Variants in BAIAP2 observed in about 807,000 individuals in gnomAD.
The protein encoded by BAIAP2 is BAR/IMD domain-containing adapter protein 2.
In BAIAP2, 18 loss-of-function variants were observed where a neutral mutation model predicts 63.0. That is an observed-to-expected ratio of 0.29 (90% CI 0.20 to 0.42). The LOEUF (loss-of-function observed/expected upper bound fraction) is 0.42. Ranked by LOEUF, BAIAP2 falls within the 10% of genes least tolerant of loss-of-function variation. BAIAP2 has a pLI of 1.00. For missense variants in BAIAP2, 610 were observed against 734.3 expected (o/e 0.83, Z 1.96); for synonymous variants, 386 against 307.6 (o/e 1.25, Z -2.67).
intron 3 of BAIAP2, among the ~76,000 whole-genome samples, chr17:81,069,904 G>C (rs1487994298): frequency 6.6e-6 from 1 of 152,104 alleles, no homozygotes; most frequent in Non-Finnish European, 1.5e-5. Flanking sequence ...AGATGCACTT[G>C]TTGTACCCAG....
chr17:81,069,158 G>A (rs561395064), intron 3 of BAIAP2, among the ~76,000 whole-genome samples: 1 of 152,316 alleles, frequency 6.6e-6, no homozygotes, highest in East Asian at 1.9e-4. Context: ...GCTCCGAATG[G>A]TGGGTCCACG....
At position 81,035,214 on chromosome 17, in the gene BAIAP2, G is replaced by GT. The variant is rs1418850742; in HGVS notation, c.-40dup. 28 of 1,455,186 alleles carry GT rather than the reference G, an allele frequency of 1.9e-5. No homozygotes were observed. The highest frequency in any genetic ancestry group is 8.8e-5 in the Admixed American group (4 of 45,214). 90.1% of individuals were successfully genotyped at this position (1,455,186 alleles called of 1,614,324 possible). A position where few individuals can be genotyped will look rare whatever the true frequency, so the allele number is the denominator to read the frequency against. On this transcript the variant is annotated 5_prime_UTR_variant, in exon 1 of 14. Coordinates refer to ENST00000428708, the MANE Select transcript of BAIAP2 (RefSeq NM_001144888.2). ...TACCGCCGCTGCTGCCGCCGCTTGC[G>GT]TCCCCCGCTCCGGTCTGTGGTGCAG... is the stretch of plus-strand genomic sequence containing the variant.
intron 1 of BAIAP2, 21 bp downstream of exon 1, chr17:81,035,329 A>G: frequency 1.4e-6 from 2 of 1,390,518 alleles, no homozygotes; most frequent in Non-Finnish European, 1.9e-6. Flanking sequence ...CCCGGCGCCG[A>G]GCTGAGCCCG....
At chr17:81,099,674 C>T (rs2058226041) in intron 6 of BAIAP2, among the ~76,000 whole-genome samples, 1 of 152,160 alleles carries the variant, frequency 6.6e-6, no homozygotes, top group African/African-American at 2.4e-5. Flanking sequence ...GGACCCTCCA[C>T]TCACCCAGAG....
rs1166031292 is a variant in BAIAP2 at position 81,103,721 on chromosome 17, G to GGGGT, written c.864_864+3dup. ...GCCCCCCGAGCTGGCACCGTTCGTGGGGGTGAGTCTGTGGCCTCTGGAAAG... is the reference window on the plus strand; with the variant it reads ...GCCCCCCGAGCTGGCACCGTTCGTGGGGGTGGGTGAGTCTGTGGCCTCTGGAAAG... On this transcript the variant is annotated frameshift_variant and splice_region_variant, in exon 8 of 14. Coordinates refer to ENST00000428708, the MANE Select transcript of BAIAP2 (RefSeq NM_001144888.2). LOFTEE classifies it high-confidence loss of function. The GGGGT allele has an allele frequency of 6.3e-7, 1 of 1,594,134 alleles. No individual in the cohort carries two copies. The highest frequency in any genetic ancestry group is 8.5e-7 in the Non-Finnish European group (1 of 1,172,918).
intron 1 of BAIAP2, among the ~76,000 whole-genome samples, chr17:81,037,383 G>C (rs1187141969): frequency 6.6e-6 from 1 of 152,266 alleles, no homozygotes; most frequent in Non-Finnish European, 1.5e-5. Flanking sequence ...TTGTAGGTAG[G>C]TGGCTCCTGC....
intron 3 of BAIAP2, among the ~76,000 whole-genome samples, chr17:81,060,225 G>A (rs138738979): frequency 1.3e-5 from 2 of 152,190 alleles, no homozygotes; most frequent in Non-Finnish European, 2.9e-5. Flanking sequence ...AGAGTGTACA[G>A]TTCTGTGGCT....
intron 7 of BAIAP2, among the ~76,000 whole-genome samples, chr17:81,100,446 G>A (rs905279450): frequency 1.3e-5 from 2 of 152,162 alleles, no homozygotes; most frequent in African/African-American, 2.4e-5. Context: ...CCGGAGTCCC[G>A]GTGGGACACC....
chr17:81,089,197 T>C (rs1322244137), intron 6 of BAIAP2, among the ~76,000 whole-genome samples: 1 of 152,250 alleles, frequency 6.6e-6, no homozygotes, highest in Admixed American at 6.5e-5. Context: ...GTTTGCTGCA[T>C]GTCCTGGCAC....
chr17:81,056,489 T>A (rs974974898), intron 2 of BAIAP2: 5 of 152,248 alleles, frequency 3.3e-5, no homozygotes, highest in Non-Finnish European at 7.3e-5. Context: ...TGTGGGTTTC[T>A]TCCCCGTCGT....
chr17:81,097,554 G>A (rs940292176), intron 6 of BAIAP2: 10 of 152,288 alleles, frequency 6.6e-5, no homozygotes, highest in African/African-American at 2.4e-4. Context: ...AGTCAGGCAG[G>A]GGAGGCCGCC....
rs933109446 is a variant in BAIAP2, at chr17:81,051,653, A to G, written c.55-2015A>G. Among the ~76,000 whole-genome samples the G allele has an allele frequency of 2.0e-5, 3 of 151,960 alleles. No homozygotes were observed. The South Asian group carries it at 6.2e-4, about 32-fold the overall frequency. On this transcript the variant is annotated intron_variant, in intron 1 of 13. Coordinates refer to ENST00000428708, the MANE Select transcript of BAIAP2 (RefSeq NM_001144888.2). Reference sequence around the variant, plus strand: ...GTGATCCGCCTGCCTTGGCCTCCCAAAGCGTTGGGATTACGAGCGTGAGCC... The same window carrying G: ...GTGATCCGCCTGCCTTGGCCTCCCAGAGCGTTGGGATTACGAGCGTGAGCC...
chr17:81,057,975 C>A lies in BAIAP2; in HGVS notation c.217+8C>A, dbSNP rs753309801. On this transcript the variant is annotated splice_region_variant and intron_variant, in intron 3 of 13. Coordinates refer to ENST00000428708, the MANE Select transcript of BAIAP2 (RefSeq NM_001144888.2). ...AGGGCTCCAAAGAACTCGGTGAGAC[C>A]CCCCCCCCCCCCCCGCCTGGTAGTC... The A allele has an allele frequency of 1.2e-3, 112 of 93,222 alleles. 1 individual carries two copies. Among genetic ancestry groups the A allele is most frequent in the South Asian group, 3.3e-3 (15 of 4,520 alleles). The allele number at this position is 93,222 out of a possible 1,614,324, so 5.8% of individuals were successfully genotyped here.
chr17:81,051,895 G>A (rs2048731971), intron 1 of BAIAP2, among the ~76,000 whole-genome samples: 1 of 152,280 alleles, frequency 6.6e-6, no homozygotes, highest in Non-Finnish European at 1.5e-5. Flanking sequence ...TTACCACGTT[G>A]CCCAGGCCGG....
intron 6 of BAIAP2, among the ~76,000 whole-genome samples, chr17:81,092,799 A>G (rs2056995766): frequency 6.6e-6 from 1 of 152,046 alleles, no homozygotes; most frequent in Admixed American, 6.5e-5. Flanking sequence ...CCTGGAGGGA[A>G]TGTTCTCCAC....
chr17:81,071,809 G>T (rs1394459630), intron 3 of BAIAP2, among the ~76,000 whole-genome samples: 1 of 152,222 alleles, frequency 6.6e-6, no homozygotes, highest in African/African-American at 2.4e-5. Context: ...CTCTGTCCAG[G>T]AGGCAGCCGA....
In BAIAP2 at chr17:81,106,809, C is replaced by A; in HGVS notation, c.1402C>A (p.Pro468Thr). The A allele has an allele frequency of 2.5e-6, 4 of 1,612,332 alleles. No individual in the cohort carries two copies. The highest frequency in any genetic ancestry group is 3.4e-6 in the Non-Finnish European group (4 of 1,179,676). Reference protein sequence around the residue: ...LLDKDDLAIPPPDYGAASRAF... With the variant: ...LLDKDDLAIPTPDYGAASRAF... ...GGACAAGGACGACCTGGCCATCCCA[C>A]CCCCCGATTACGGCGCCGCCTCCCG... The change falls in exon 12 of 14, where the codon CCC (proline) becomes ACC (threonine). Residue 468 changes from proline (P) to threonine (T), a missense_variant. Physicochemically the swap from Pro to Thr is conservative, Grantham distance 38 (BLOSUM62 -1). This residue lies in a region of BAIAP2 where 114 missense variants were observed against 98.2 expected (regional missense o/e 1.16). Transcript: ENST00000428708.
chr17:81,064,345 C>T (rs1478235144), intron 3 of BAIAP2, among the ~76,000 whole-genome samples: 1 of 152,104 alleles, frequency 6.6e-6, no homozygotes, highest in Non-Finnish European at 1.5e-5. Flanking sequence ...TCAGCCCCGT[C>T]AGGATGACGA....
intron 1 of BAIAP2, among the ~76,000 whole-genome samples, chr17:81,049,117 G>A (rs1042426966): frequency 3.3e-5 from 5 of 152,254 alleles, no homozygotes; most frequent in South Asian, 2.1e-4. Flanking sequence ...GTGCGTGGTC[G>A]CCGGGGGCAC....
Sources: allele counts gnomAD v4.1 joint callset (sites outside exome capture counted in the v4.1 genomes callset), GRCh38; gene constraint gnomAD v4.1.1; regional missense constraint gnomAD v4.1.1; transcripts MANE v1.5; gene names NCBI Gene and HGNC (gene_info 2026-07-23, HGNC 2026-07-21).